NKX6-3: variants seen among roughly 807,000 people sequenced by gnomAD.
NKX6-3 encodes the protein NK6 homeobox 3.
Under a neutral mutation model 22.0 loss-of-function variants are expected in NKX6-3, and 17 were observed. The observed-to-expected ratio is 0.77, with a 90% CI of 0.53 to 1.16. NKX6-3 has a LOEUF of 1.16. NKX6-3 is among the 50% of genes most tolerant of loss of function. NKX6-3 has a pLI of 0.00. For synonymous variants in NKX6-3, 177 were observed against 167.2 expected, an observed-to-expected ratio of 1.06 and a Z score of -0.45; for missense variants, 363 against 359.0, an observed-to-expected ratio of 1.01 and a Z score of -0.09.
chr8:41,646,587 G>A lies in NKX6-3; in HGVS notation c.660C>T (p.Asp220=), dbSNP rs1467659404. The part of the protein sequence containing the change: ...PGGAGAGAGG[D]RAPSENEDDE... ...CGTCCTCGTTCTCCGAGGGTGCGCG[G>A]TCCCCGCCTGCGCCTGCACCCGCGC... Residue 220 remains aspartate, a synonymous_variant, in exon 3 of 3, where the codon GAC becomes GAT. Coordinates refer to ENST00000518699, the MANE Select transcript of NKX6-3 (RefSeq NM_001364841.2). 1.9e-6 allele frequency: 3 copies of A among 1,575,294 alleles called. No homozygotes were observed. In the African/African-American group the frequency reaches 4.1e-5, roughly 21 times the overall value.
chr8:41,646,794 G>T, intron 2 of NKX6-3, 100 bp from the exon 3 acceptor site: 1 of 1,445,744 alleles, frequency 6.9e-7, no homozygotes, highest in Non-Finnish European at 9.2e-7. Context: ...CTCAACAACG[G>T]AGTGACTGTC....
intron 2 of NKX6-3, 78 bp from the exon 3 acceptor site, chr8:41,646,772 C>T: frequency 6.7e-7 from 1 of 1,491,968 alleles, no homozygotes; most frequent in Non-Finnish European, 8.9e-7. Flanking sequence ...GCTTTTACAG[C>T]TAAACAAATG....
chr8:41,648,316 T>C (rs1270377294), intron 1 of NKX6-3, 81 bp from the exon 2 acceptor site: 5 of 1,231,534 alleles, frequency 4.1e-6, no homozygotes, highest in Non-Finnish European at 5.6e-6. Flanking sequence ...GCAACCACCA[T>C]GCCTGCCCCT....
Position 41,646,446 on chromosome 8 carries a change from G to A in NKX6-3, c.*3C>T. The A allele has an allele frequency of 6.3e-7, 1 of 1,590,704 alleles. No homozygotes were observed. The highest frequency in any genetic ancestry group is 8.5e-7 in the Non-Finnish European group (1 of 1,171,616). On this transcript the variant is annotated 3_prime_UTR_variant, in exon 3 of 3. Transcript: ENST00000518699. ...CCAGGATCCCGGGCCTGGACGGCGG[G>A]CGTCAGACGCTGTGCGCTCCCAGGC... is the stretch of plus-strand genomic sequence containing the variant.
rs1021364141 is a variant in NKX6-3 at position 41,649,365 on chromosome 8, G to C, written c.382+746C>G. 5.3e-5 allele frequency among the ~76,000 whole-genome samples: 8 copies of C among 152,150 alleles called. No homozygotes were observed. The East Asian group carries it at 1.5e-3, about 29-fold the overall frequency. On this transcript the variant is annotated intron_variant, in intron 1 of 2. Transcript: ENST00000518699. ...GGCAGGGCTTCGGTGGCACGGAGAAGATTCCAAAAACTCTCACCTCCCTGC... is the reference window on the plus strand; with the variant it reads ...GGCAGGGCTTCGGTGGCACGGAGAACATTCCAAAAACTCTCACCTCCCTGC...
At chr8:41,649,170 C>T (rs780762921) in intron 1 of NKX6-3, among the ~76,000 whole-genome samples, 2 of 152,140 alleles carry the variant, frequency 1.3e-5, no homozygotes, top group South Asian at 2.1e-4. Flanking sequence ...AGGGGCACAG[C>T]GATGGGTGGC....
At chr8:41,648,351 A>G (rs1373568665) in intron 1 of NKX6-3, 116 bp from the exon 2 acceptor site, 3 of 855,686 alleles carry the variant, frequency 3.5e-6, no homozygotes, top group Non-Finnish European at 3.5e-6. Context: ...GGTTTCCAGG[A>G]CACCAAGATT....
chr8:41,650,179 G>A lies in NKX6-3; in HGVS notation c.314C>T (p.Pro105Leu), dbSNP rs903896741. The change falls in exon 1 of 3, where the codon CCG becomes CTG. Residue 105 changes from proline (P) to leucine (L), a missense_variant. Physicochemically the swap from Pro to Leu is moderately conservative, Grantham distance 98. Around this residue, in one of 3 missense-constraint regions of NKX6-3, gnomAD observed 175 missense variants for 160.9 expected, o/e 1.09. Coordinates refer to ENST00000518699, the MANE Select transcript of NKX6-3 (RefSeq NM_001364841.2). ...CGCCCAGCAGTTCCGGGTCCGGGTCGGGTACTCGTTCCCAGCCTTGGAAAA... is the reference window on the plus strand; with the variant it reads ...CGCCCAGCAGTTCCGGGTCCGGGTCAGGTACTCGTTCCCAGCCTTGGAAAA... ...GNFSKAGNEY[P>L]TRTRNCWADT... is the part of the protein sequence containing the mutation. The A allele has an allele frequency of 2.0e-6, 3 of 1,535,286 alleles. No homozygotes were observed. The highest frequency in any genetic ancestry group is 2.6e-6 in the Non-Finnish European group (3 of 1,146,566).
In NKX6-3 at chr8:41,646,698, C is replaced by T. The variant is rs1430662131; in HGVS notation, c.553-4G>A. 3.3e-6 allele frequency: 5 copies of T among 1,537,998 alleles called. No homozygotes were observed. The highest frequency in any genetic ancestry group is 1.4e-5 in the African/African-American group (1 of 72,548). On this transcript the variant is annotated splice_polypyrimidine_tract_variant and splice_region_variant and intron_variant, in intron 2 of 2. Transcript: ENST00000518699. The stretch of plus-strand genomic sequence containing the variant: ...TCCTGCGGTTCTGGAACCACACCTG[C>T]GATGAGAAAGAATGTGAAGGGCACA...
In NKX6-3 at chr8:41,650,276, C is replaced by G; in HGVS notation, c.217G>C (p.Gly73Arg). Reference sequence around the variant, plus strand: ...CCAAAGCCTGCCACGTGGGGGTAGCCGGAGAGGAGGCTGTTGTTCGGCGCA... The same window carrying G: ...CCAAAGCCTGCCACGTGGGGGTAGCGGGAGAGGAGGCTGTTGTTCGGCGCA... Reference protein sequence around the residue: ...VAAPNNSLLSGYPHVAGFGGL... With the variant: ...VAAPNNSLLSRYPHVAGFGGL... Residue 73 changes from glycine to arginine, a missense_variant, in exon 1 of 3, where the codon GGC becomes CGC. Coordinates refer to ENST00000518699, the MANE Select transcript of NKX6-3 (RefSeq NM_001364841.2). 1 of 1,533,840 alleles carries G rather than the reference C, an allele frequency of 6.5e-7. No homozygotes were observed. The highest frequency in any genetic ancestry group is 8.7e-7 in the Non-Finnish European group (1 of 1,145,714).
At position 41,646,282 on chromosome 8, in the gene NKX6-3, C is replaced by T; in HGVS notation, c.*167G>A. 2 of 901,892 alleles carry T rather than the reference C, an allele frequency of 2.2e-6. No homozygotes were observed. Among genetic ancestry groups the T allele is most frequent in the Admixed American group, 2.9e-5 (1 of 34,764 alleles). The allele number at this position is 901,892 out of a possible 1,614,324, so 55.9% of individuals were successfully genotyped here. On this transcript the variant is annotated 3_prime_UTR_variant, in exon 3 of 3. Coordinates refer to ENST00000518699, the MANE Select transcript of NKX6-3 (RefSeq NM_001364841.2). ...CCTCCTTTTCCTCCTCCTCCCCCGC[C>T]TCCCCTCCTCCTCCCCTGCACCTGC... is the stretch of plus-strand genomic sequence containing the variant.
At chr8:41,647,206 A>G (rs1366398398) in intron 2 of NKX6-3, 1 of 1,612,956 alleles carries the variant, frequency 6.2e-7, no homozygotes. Context: ...CAGAAGCAGA[A>G]AGACATGCAG....
chr8:41,646,434 C>T lies in NKX6-3; in HGVS notation c.*15G>A, dbSNP rs765366972. ...CGCAGGCTGCAGCCAGGATCCCGGG[C>T]CTGGACGGCGGGCGTCAGACGCTGT... On this transcript the variant is annotated 3_prime_UTR_variant, in exon 3 of 3. Transcript: ENST00000518699. 2.5e-6 allele frequency: 4 copies of T among 1,581,986 alleles called. No homozygotes were observed. The highest frequency in any genetic ancestry group is 3.4e-6 in the Non-Finnish European group (4 of 1,167,944).
chr8:41,646,674 C>A lies in NKX6-3; in HGVS notation c.573G>T (p.Arg191Ser). 5 of 1,543,154 alleles carry A rather than the reference C, an allele frequency of 3.2e-6. No homozygotes were observed. Among genetic ancestry groups the A allele is most frequent in the Non-Finnish European group, 4.4e-6 (5 of 1,146,356 alleles). ...SQVKVWFQNR[R>S]TKWRKKSALE... ...GGGCGCTCTTCTTCCGCCACTTGGT[C>A]CTGCGGTTCTGGAACCACACCTGCG... Residue 191 changes from arginine (R) to serine (S), a missense_variant, in exon 3 of 3, where the codon AGG becomes AGT. Transcript: ENST00000518699.
Position 41,646,607 on chromosome 8 carries a change from C to A in NKX6-3, c.640G>T (p.Gly214Cys), listed in dbSNP as rs774636542. 2 of 1,565,774 alleles carry A rather than the reference C, an allele frequency of 1.3e-6. No individual in the cohort carries two copies. The highest frequency in any genetic ancestry group is 2.4e-5 in the East Asian group (1 of 41,948). Residue 214 changes from glycine (G) to cysteine (C), a missense_variant, in exon 3 of 3, where the codon GGT becomes TGT. Physicochemically the swap from Gly to Cys is radical, Grantham distance 159 (BLOSUM62 -3). Transcript: ENST00000518699. ...GCGCGGTCCCCGCCTGCGCCTGCAC[C>A]CGCGCCGCCCGGGGCCCGGGGCGTG... ...SSTPRAPGGAGAGAGGDRAPS... is the reference protein window; with the variant it reads ...SSTPRAPGGACAGAGGDRAPS...
At chr8:41,647,947 C>T (rs1378066636) in intron 2 of NKX6-3, 119 bp downstream of exon 2, 1 of 888,266 alleles carries the variant, frequency 1.1e-6, no homozygotes, top group Non-Finnish European at 1.7e-6. Flanking sequence ...AGTGCCCAGA[C>T]ACCAGGACAG....
rs1157537328 is a variant in NKX6-3, at chr8:41,646,422, C to T, written c.*27G>A. Reference sequence around the variant, plus strand: ...TCGGCGTCCCCCCGCAGGCTGCAGCCAGGATCCCGGGCCTGGACGGCGGGC... The same window carrying T: ...TCGGCGTCCCCCCGCAGGCTGCAGCTAGGATCCCGGGCCTGGACGGCGGGC... On this transcript the variant is annotated 3_prime_UTR_variant, in exon 3 of 3. Coordinates refer to ENST00000518699, the MANE Select transcript of NKX6-3 (RefSeq NM_001364841.2). 6.4e-7 allele frequency: 1 copy of T among 1,571,916 alleles called. No homozygotes were observed.
intron 1 of NKX6-3, 112 bp from the exon 2 acceptor site, chr8:41,648,347 C>T (rs1804253292): frequency 3.3e-6 from 3 of 895,972 alleles, no homozygotes; most frequent in Non-Finnish European, 3.3e-6. Context: ...CAGAGGTTTC[C>T]AGGACACCAA....
In NKX6-3 at chr8:41,650,806, T is replaced by A. The variant is rs1219902402; in HGVS notation, c.-314A>T. 9.7e-6 allele frequency: 3 copies of A among 307,860 alleles called. No individual in the cohort carries two copies. The highest frequency in any genetic ancestry group is 1.8e-5 in the Non-Finnish European group (3 of 164,772). The allele number at this position is 307,860 out of a possible 1,614,324, so 19.1% of individuals were successfully genotyped here. On this transcript the variant is annotated 5_prime_UTR_variant, in exon 1 of 3. It removes an upstream start codon present in the reference 5' UTR. Coordinates refer to ENST00000518699, the MANE Select transcript of NKX6-3 (RefSeq NM_001364841.2). ...TGCCTCTGAGTCGGGGGACCCTCCA[T>A]GAGAAGTTTTAAGTTCAGAGAAGGA...
Sources: gnomAD v4.1 joint callset for allele counts (sites outside exome capture counted in the v4.1 genomes callset) on GRCh38, gnomAD v4.1.1 for gene constraint, gnomAD v4.1.1 regional missense constraint, MANE v1.5 for transcripts, NCBI Gene and HGNC (gene_info 2026-07-23, HGNC 2026-07-21) for gene names.